HUWE1: variants seen among roughly 807,000 people sequenced by gnomAD.
The protein encoded by HUWE1 is E3 ubiquitin-protein ligase HUWE1.
Under a neutral mutation model 299.4 loss-of-function variants are expected in HUWE1, and 18 were observed. That is an observed-to-expected ratio of 0.06 (90% CI 0.04 to 0.09). The LOEUF (loss-of-function observed/expected upper bound fraction) is 0.09. Among genes scored for constraint, HUWE1 ranks in the 10% least tolerant of loss-of-function variants. The pLI is 1.00. For synonymous variants in HUWE1, 1,317 were observed against 1,286.1 expected (o/e 1.02, Z -0.51); for missense variants, 1,832 against 3,462.3 (o/e 0.53, Z 11.82).
At chrX:53,638,294 C>A (rs2067347474) in intron 7 of HUWE1, among the ~76,000 whole-genome samples, 1 of 110,997 alleles carries the variant, frequency 9.0e-6, no homozygotes, top group African/African-American at 3.3e-5. Flanking sequence ...GAGCCAAGAT[C>A]GCGCCACTGC....
chrX:53,629,006 T>C (rs1557020409), intron 13 of HUWE1, 104 bp from the exon 14 acceptor site: 1 of 671,184 alleles, frequency 1.5e-6, no homozygotes, highest in Non-Finnish European at 2.3e-6. Context: ...GTCATTCTAC[T>C]GGTAACTGCT....
At chrX:53,625,357 T>C in intron 17 of HUWE1, 99 bp from the exon 18 acceptor site, 1 of 554,439 alleles carries the variant, frequency 1.8e-6, no homozygotes, top group East Asian at 3.3e-5. Context: ...AAATACACTA[T>C]AATAAAATTA....
At position 53,589,455 on chromosome X, in the gene HUWE1, T is replaced by A. The variant is rs1556976537; in HGVS notation, c.4461+92A>T. Reference sequence around the variant, plus strand: ...GAGAATATACCCATATCAGGTAGAATGAAAATATGCTGATTTTTCAGAAAT... The same window carrying A: ...GAGAATATACCCATATCAGGTAGAAAGAAAATATGCTGATTTTTCAGAAAT... On this transcript the variant is annotated intron_variant, in intron 36 of 83. Coordinates refer to ENST00000262854, the MANE Select transcript of HUWE1 (RefSeq NM_031407.7). 4 of 881,245 alleles carry A rather than the reference T, an allele frequency of 4.5e-6. 1 individual carries two copies. Among genetic ancestry groups the A allele is most frequent in the Admixed American group, 2.2e-5 (1 of 45,329 alleles). 72.6% of individuals were successfully genotyped at this position (881,245 alleles called of 1,213,427 possible).
chrX:53,583,829 A>G lies in HUWE1; in HGVS notation c.5249T>C (p.Leu1750Ser). The G allele has an allele frequency of 8.3e-7, 1 of 1,208,992 alleles. No homozygotes were observed. Among genetic ancestry groups the G allele is most frequent in the Non-Finnish European group, 1.1e-6 (1 of 894,152 alleles). The change falls in exon 42 of 84, where the codon TTG becomes TCG. Residue 1750 changes from leucine to serine, a missense_variant. Around this residue, in one of 15 missense-constraint regions of HUWE1, gnomAD observed 46 missense variants for 42.6 expected, o/e 1.08. Coordinates refer to ENST00000262854, the MANE Select transcript of HUWE1 (RefSeq NM_031407.7). ...TKIGEILIQGLTEDMVTVLIR... is the reference protein window; with the variant it reads ...TKIGEILIQGSTEDMVTVLIR... ...TAAAACAGTCACCATATCTTCTGTC[A>G]AGCCCTGGATCAGGATCTCCCCGAT...
chrX:53,664,208 G>A (rs1222054402), intron 3 of HUWE1, among the ~76,000 whole-genome samples: 1 of 110,964 alleles, frequency 9.0e-6, no homozygotes, highest in African/African-American at 3.3e-5. Context: ...ACTCTACCAC[G>A]CCTGGCTAAT....
chrX:53,632,341 G>C (rs2066930247), intron 9 of HUWE1, 146 bp downstream of exon 9: 2 of 496,764 alleles, frequency 4.0e-6, no homozygotes, highest in Admixed American at 5.5e-5. Flanking sequence ...TAACACTCCT[G>C]AGGAGCTGCT....
At chrX:53,536,295 G>T (rs781920310) in intron 79 of HUWE1, 43 bp from the exon 80 acceptor site, 2 of 1,145,605 alleles carry the variant, frequency 1.7e-6, no homozygotes, top group African/African-American at 1.8e-5. Context: ...TGCGAGTGGG[G>T]GGGAAGAAGG....
At chrX:53,595,497 C>T in intron 29 of HUWE1, 94 bp from the exon 30 acceptor site, 8 of 679,904 alleles carry the variant, frequency 1.2e-5, no homozygotes, top group Non-Finnish European at 1.8e-5. Context: ...TTATGACTCA[C>T]CACTTCCTCC....
intron 43 of HUWE1, 76 bp from the exon 44 acceptor site, chrX:53,577,143 A>C (rs2063144214): frequency 2.6e-6 from 2 of 759,639 alleles, no homozygotes; most frequent in Admixed American, 4.4e-5. Flanking sequence ...AAGACTCAGA[A>C]GGGGGCATGT....
chrX:53,569,564 A>G, intron 48 of HUWE1, 52 bp downstream of exon 48: 1 of 1,115,587 alleles, frequency 9.0e-7, no homozygotes, highest in Non-Finnish European at 1.2e-6. Flanking sequence ...ACTAAGAAGA[A>G]GAATAAGGGG....
At chrX:53,606,904 T>C (rs2065181361) in intron 25 of HUWE1, among the ~76,000 whole-genome samples, 1 of 111,506 alleles carries the variant, frequency 9.0e-6, no homozygotes. Flanking sequence ...CACATCAATA[T>C]GAATACACAT....
At chrX:53,611,848 A>G (rs1210635565) in intron 23 of HUWE1, among the ~76,000 whole-genome samples, 1 of 105,988 alleles carries the variant, frequency 9.4e-6, no homozygotes, top group Non-Finnish European at 1.9e-5. Context: ...ATGTAGTGAG[A>G]CTCTGTCTCA....
At chrX:53,660,262 C>G (rs1557044692) in intron 3 of HUWE1, among the ~76,000 whole-genome samples, 1 of 112,013 alleles carries the variant, frequency 8.9e-6, no homozygotes. Flanking sequence ...AGAAACTATG[C>G]TGGTGGCATA....
chrX:53,666,092 A>G (rs1471742036), intron 3 of HUWE1, among the ~76,000 whole-genome samples: 1 of 112,644 alleles, frequency 8.9e-6, no homozygotes, highest in East Asian at 2.8e-4. Flanking sequence ...TCAGGAAAGT[A>G]TTTTCATTTG....
rs181183946 is a variant in HUWE1, at chrX:53,629,439, C to A, written c.963+77G>T. 15,772 of 681,750 alleles carry A rather than the reference C, an allele frequency of 0.023. 182 individuals carry two copies. Among genetic ancestry groups the A allele is most frequent in the African/African-American group, 0.044 (2,032 of 46,421 alleles). The allele number at this position is 681,750 out of a possible 1,213,427, so 56.2% of individuals were successfully genotyped here. A position where few individuals can be genotyped will look rare whatever the true frequency, so the allele number is the denominator to read the frequency against. On this transcript the variant is annotated intron_variant, in intron 13 of 83. Transcript: ENST00000262854. ...TATATGCAAATATCCCCTCCCCCCC[C>A]AAAAAAGTCTCAAATCCAAAATACT...
At chrX:53,637,716 A>G (rs1455146332) in intron 7 of HUWE1, among the ~76,000 whole-genome samples, 1 of 112,389 alleles carries the variant, frequency 8.9e-6, no homozygotes, top group African/African-American at 3.2e-5. Flanking sequence ...TATATTTATG[A>G]ACTAGTAACA....
intron 22 of HUWE1, 22 bp downstream of exon 22, chrX:53,615,722 T>G: frequency 8.7e-7 from 1 of 1,154,131 alleles, no homozygotes; most frequent in Non-Finnish European, 1.2e-6. Context: ...ATGCTCATGG[T>G]CACATCCTTA....
rs1392030494 is a variant in HUWE1, at chrX:53,594,618, C to T, written c.3384G>A (p.Leu1128=). ...PPYTPTPRFR[L]TFFICSVGFT... ...AACCAACTGAACAGATGAAGAATGT[C>T]AGCCTGAAAGTGGAAAAAAAGGCAA... The change falls in exon 31 of 84, where the codon CTG becomes CTA. Residue 1128 remains leucine (L), a synonymous_variant. Coordinates refer to ENST00000262854, the MANE Select transcript of HUWE1 (RefSeq NM_031407.7). The T allele has an allele frequency of 1.7e-6, 2 of 1,208,516 alleles. No homozygotes were observed. The highest frequency in any genetic ancestry group is 2.2e-6 in the Non-Finnish European group (2 of 894,266).
chrX:53,555,636 C>CTT lies in HUWE1; in HGVS notation c.8207-718_8207-717dup, dbSNP rs1175050260. On this transcript the variant is annotated intron_variant, in intron 60 of 83. Coordinates refer to ENST00000262854, the MANE Select transcript of HUWE1 (RefSeq NM_031407.7). ...GCCACTGCGTCCAGCCCTTCAAAAT[C>CTT]TTTTTTTTTTTTTTTTTTTTCCTGA... is the stretch of plus-strand genomic sequence containing the variant. Among the ~76,000 whole-genome samples the CTT allele has an allele frequency of 2.4e-3, 182 of 75,254 alleles. 2 individuals are homozygous for CTT. The highest frequency in any genetic ancestry group is 8.2e-3 in the African/African-American group (160 of 19,420). 65.3% of individuals were successfully genotyped at this position (75,254 alleles called of 115,157 possible). A position where few individuals can be genotyped will look rare whatever the true frequency, so the allele number is the denominator to read the frequency against.
Sources: allele counts gnomAD v4.1 joint callset (sites outside exome capture counted in the v4.1 genomes callset), GRCh38; gene constraint gnomAD v4.1.1; regional missense constraint gnomAD v4.1.1; transcripts MANE v1.5; gene names NCBI Gene and HGNC (gene_info 2026-07-23, HGNC 2026-07-21).